Variants in TYW1B observed in about 807,000 individuals in gnomAD.
The protein encoded by TYW1B is S-adenosyl-L-methionine-dependent tRNA 4-demethylwyosine synthase TYW1B.
A neutral mutation model predicts 86.9 loss-of-function variants in TYW1B; 73 were observed. The observed-to-expected ratio is 0.84, with a 90% CI of 0.70 to 1.02. TYW1B has a LOEUF of 1.02. Ranked by LOEUF, TYW1B falls within the 50% of genes least tolerant of loss-of-function variation. The pLI, the probability that TYW1B is intolerant of heterozygous loss-of-function variation, is 0.00. For synonymous variants in TYW1B, 248 were observed against 292.8 expected, an observed-to-expected ratio of 0.85 and a Z score of 1.56; for missense variants, 637 against 827.4, an observed-to-expected ratio of 0.77 and a Z score of 2.82.
chr7:72,616,697 T>G lies in TYW1B; in HGVS notation c.1760A>C (p.Asn587Thr). 1.9e-6 allele frequency: 3 copies of G among 1,614,136 alleles called. No individual in the cohort carries two copies. The South Asian group carries it at 3.3e-5, about 18-fold the overall frequency. The change falls in exon 13 of 14, where the codon AAT (asparagine) becomes ACT (threonine). Residue 587 changes from asparagine (N) to threonine (T), a missense_variant. Coordinates refer to ENST00000620995, the MANE Select transcript of TYW1B (RefSeq NM_001145440.3). The stretch of plus-strand genomic sequence containing the variant: ...CTTTCTGTGTGCTATCAGGAGGCAA[T>G]TAGAGTGTTCGTGTTCACATGCAAT... ...YEIACEHEHSNCLLIAHRKFK... is the reference protein window; with the variant it reads ...YEIACEHEHSTCLLIAHRKFK...
intron 7 of TYW1B, among the ~76,000 whole-genome samples, chr7:72,758,288 G>T (rs565285260): frequency 6.6e-6 from 1 of 151,976 alleles, no homozygotes; most frequent in Non-Finnish European, 1.5e-5. Flanking sequence ...AAGGCAGGAG[G>T]ATCACTTGAA....
intron 4 of TYW1B, among the ~76,000 whole-genome samples, chr7:72,810,108 T>C (rs1210422985): frequency 6.6e-6 from 1 of 151,378 alleles, no homozygotes; most frequent in Non-Finnish European, 1.5e-5. Flanking sequence ...TGAAACCCCG[T>C]CTCTAGTAAA....
chr7:72,826,297 T>G (rs1788927714), intron 2 of TYW1B, among the ~76,000 whole-genome samples: 1 of 152,208 alleles, frequency 6.6e-6, no homozygotes, highest in South Asian at 2.1e-4. Flanking sequence ...TCAGCAGGGA[T>G]GAAAGGTAGC....
chr7:72,651,537 C>T (rs1554442798), intron 11 of TYW1B, among the ~76,000 whole-genome samples: 2 of 152,166 alleles, frequency 1.3e-5, no homozygotes, highest in African/African-American at 4.8e-5. Flanking sequence ...ATTGCTTGAA[C>T]CCGGGAGGCA....
intron 7 of TYW1B, among the ~76,000 whole-genome samples, 152 bp downstream of exon 7, chr7:72,777,264 C>T (rs1452090348): frequency 3.9e-5 from 6 of 152,132 alleles, no homozygotes; most frequent in Admixed American, 1.3e-4. Flanking sequence ...CCAACAGAAG[C>T]GATCCACAGA....
chr7:72,624,292 C>A (rs1812289672), intron 12 of TYW1B, among the ~76,000 whole-genome samples: 1 of 152,192 alleles, frequency 6.6e-6, no homozygotes, highest in South Asian at 2.1e-4. Flanking sequence ...ATAATCCACA[C>A]ACTACATAAT....
chr7:72,602,603 G>A (rs1441172755), intron 13 of TYW1B, among the ~76,000 whole-genome samples: 3 of 151,998 alleles, frequency 2.0e-5, no homozygotes, highest in African/African-American at 7.3e-5. Context: ...ACTTACAATG[G>A]GGTTATGTTC....
intron 10 of TYW1B, among the ~76,000 whole-genome samples, chr7:72,705,085 C>T (rs1554453401): frequency 1.3e-5 from 2 of 152,132 alleles, no homozygotes; most frequent in African/African-American, 4.8e-5. Context: ...TTGAAAGACT[C>T]AGGCAGTATT....
rs782616380 is a variant in TYW1B at position 72,616,752 on chromosome 7, C to A, written c.1705G>T (p.Glu569Ter). ...WHEEVVQFVRELVDLIPEYEI... is the reference protein window; with the variant it reads ...WHEEVVQFVR The stretch of plus-strand genomic sequence containing the variant: ...TATTCGGGGATCAGATCCACCAGCT[C>A]GCGGACAAACTGTACCACTTCCTCA... The change falls in exon 13 of 14, where the codon GAG (glutamate) becomes TAG (stop). Residue 569 changes from glutamate (E) to a stop codon, truncating the protein, a stop_gained. Transcript: ENST00000620995. LOFTEE classifies it high-confidence loss of function. The A allele has an allele frequency of 6.2e-7, 1 of 1,614,214 alleles. No homozygotes were observed. The highest frequency in any genetic ancestry group is 1.1e-5 in the South Asian group (1 of 91,084).
At chr7:72,811,764 T>C (rs543154505) in intron 3 of TYW1B, among the ~76,000 whole-genome samples, 1 of 151,366 alleles carries the variant, frequency 6.6e-6, no homozygotes, top group East Asian at 1.9e-4. Context: ...ATACAAAAAC[T>C]AGGCAGGCGT....
At chr7:72,786,048 G>A (rs1554472411) in intron 6 of TYW1B, among the ~76,000 whole-genome samples, 2 of 151,798 alleles carry the variant, frequency 1.3e-5, no homozygotes, top group African/African-American at 4.8e-5. Flanking sequence ...GGCGGGGGCT[G>A]CCATGAGATG....
chr7:72,672,507 C>CA (rs1305462767), intron 11 of TYW1B, among the ~76,000 whole-genome samples: 1 of 150,988 alleles, frequency 6.6e-6, no homozygotes, highest in Non-Finnish European at 1.5e-5. Flanking sequence ...CACACACACA[C>CA]ACCTGTATAC....
chr7:72,582,345 G>A lies in TYW1B; in HGVS notation c.1786-6626C>T, dbSNP rs576142577. ...GAGAAAATCGAATGAGAAAAACATG[G>A]TCATACACAGAGGATTAGGAATCTG... On this transcript the variant is annotated intron_variant, in intron 13 of 13. Transcript: ENST00000620995. Among the ~76,000 whole-genome samples, 8 of 152,172 alleles carry A rather than the reference G, an allele frequency of 5.3e-5. No individual in the cohort carries two copies. In the South Asian group the frequency reaches 1.7e-3, roughly 32 times the overall value.
intron 13 of TYW1B, among the ~76,000 whole-genome samples, chr7:72,606,638 G>C (rs1811807339): frequency 6.6e-6 from 1 of 151,604 alleles, no homozygotes. Context: ...TATAATGTCA[G>C]TGGAGTCTAA....
intron 6 of TYW1B, among the ~76,000 whole-genome samples, chr7:72,781,895 C>G (rs1788056019): frequency 2.0e-5 from 3 of 152,330 alleles, no homozygotes; most frequent in Admixed American, 2.0e-4. Flanking sequence ...ATACACAAAA[C>G]ATTCTTTATA....
At chr7:72,741,600 T>C (rs1787305874) in intron 8 of TYW1B, among the ~76,000 whole-genome samples, 1 of 152,102 alleles carries the variant, frequency 6.6e-6, no homozygotes, top group Non-Finnish European at 1.5e-5. Flanking sequence ...AATTCCCAAA[T>C]TTGGTAGAAG....
chr7:72,784,978 C>T (rs1788103574), intron 6 of TYW1B, among the ~76,000 whole-genome samples: 2 of 151,934 alleles, frequency 1.3e-5, no homozygotes, highest in South Asian at 2.1e-4. Context: ...TGTCACAGCT[C>T]CAAATATCCC....
intron 12 of TYW1B, among the ~76,000 whole-genome samples, chr7:72,625,842 T>C (rs2960928): frequency 4.1e-3 from 531 of 128,802 alleles, no homozygotes; most frequent in Admixed American, 0.017. Context: ...AAATACCTGT[T>C]CTTTATAGAA....
At chr7:72,729,798 G>T (rs1294014293) in intron 8 of TYW1B, among the ~76,000 whole-genome samples, 1 of 152,094 alleles carries the variant, frequency 6.6e-6, no homozygotes, top group African/African-American at 2.4e-5. Flanking sequence ...CAGCACCACT[G>T]AAGACACTAC....
Sources: gnomAD v4.1 joint callset for allele counts (sites outside exome capture counted in the v4.1 genomes callset) on GRCh38, gnomAD v4.1.1 for gene constraint, MANE v1.5 for transcripts, NCBI Gene and HGNC (gene_info 2026-07-23, HGNC 2026-07-21) for gene names.